The following PRSS23 variants were observed in gnomAD, a reference collection of about 807,000 sequenced individuals.
PRSS23 encodes serine protease 23.
Under a neutral mutation model 34.7 loss-of-function variants are expected in PRSS23, and 25 were observed. That is an observed-to-expected ratio of 0.72 (90% CI 0.53 to 1.01). PRSS23 has a LOEUF of 1.01. Ranked by LOEUF, PRSS23 falls within the 50% of genes least tolerant of loss-of-function variation. PRSS23 has a pLI of 0.00. For missense variants in PRSS23, 445 were observed against 475.6 expected, an observed-to-expected ratio of 0.94 and a Z score of 0.60; for synonymous variants, 176 against 186.6, an observed-to-expected ratio of 0.94 and a Z score of 0.46.
chr11:86,802,017 A>T (rs767225478), intron 1 of PRSS23, among the ~76,000 whole-genome samples: 2 of 152,156 alleles, frequency 1.3e-5, no homozygotes, highest in Non-Finnish European at 2.9e-5. Context: ...GTTAACATGG[A>T]TGCATTTTCT....
intron 2 of PRSS23, among the ~76,000 whole-genome samples, chr11:86,829,718 C>T (rs1156591553): frequency 6.6e-6 from 1 of 152,220 alleles, no homozygotes; most frequent in Non-Finnish European, 1.5e-5. Context: ...ACAGGACCCT[C>T]AGCTGCAGGT....
In PRSS23 at chr11:86,952,408, T is replaced by G. The variant is rs144036448; in HGVS notation, c.*1123T>G. ...TGACTGAAAGACACATGCCGCCGCA[T>G]GGGCCAATGGGGATGTTGATCTTCT... On this transcript the variant is annotated 3_prime_UTR_variant, in exon 3 of 3. Coordinates refer to the PRSS23 transcript ENST00000533902. 2.0e-5 allele frequency: 32 copies of G among 1,614,148 alleles called. No individual in the cohort carries two copies. In the African/African-American group the frequency reaches 3.9e-4, roughly 19 times the overall value.
intron 2 of PRSS23, among the ~76,000 whole-genome samples, chr11:86,868,840 G>A (rs1388713316): frequency 6.6e-6 from 1 of 152,076 alleles, no homozygotes; most frequent in Non-Finnish European, 1.5e-5. Flanking sequence ...GAGACAGTGT[G>A]TCACCCTGTC....
At chr11:86,930,706 T>C (rs2212764) in intron 2 of PRSS23, among the ~76,000 whole-genome samples, 24,080 of 149,754 alleles carry the variant, frequency 0.16, 2,001 homozygotes, top group Middle Eastern at 0.27. Context: ...AGGAGAATGG[T>C]GTGAACCTGG....
chr11:86,833,116 G>C (rs1336405821), intron 2 of PRSS23: 2 of 653,372 alleles, frequency 3.1e-6, no homozygotes, highest in East Asian at 3.1e-5. Flanking sequence ...ACACTCAGGA[G>C]CATGTCTTTC....
At chr11:86,875,230 G>T (rs1055816053) in intron 2 of PRSS23, among the ~76,000 whole-genome samples, 13 of 152,164 alleles carry the variant, frequency 8.5e-5, no homozygotes, top group Non-Finnish European at 2.9e-5. Flanking sequence ...AATTAGCCGG[G>T]TGTGGTGGCG....
intron 1 of PRSS23, among the ~76,000 whole-genome samples, chr11:86,794,503 A>G (rs1416808969): frequency 6.6e-6 from 1 of 152,186 alleles, no homozygotes; most frequent in Admixed American, 6.5e-5. Context: ...TAAAGCTTTT[A>G]CTTGCTGTGC....
At chr11:86,862,598 G>A (rs975229799) in intron 2 of PRSS23, among the ~76,000 whole-genome samples, 3 of 151,774 alleles carry the variant, frequency 2.0e-5, no homozygotes, top group Non-Finnish European at 2.9e-5. Context: ...GTCACAGGGG[G>A]TGTAAACCCT....
At chr11:86,921,990 G>A (rs1949050103) in intron 2 of PRSS23, 1 of 152,138 alleles carries the variant, frequency 6.6e-6, no homozygotes, top group Non-Finnish European at 1.5e-5. Flanking sequence ...TTCAGCTTGA[G>A]GCTTCCAAGG....
chr11:86,865,646 C>A lies in PRSS23; in HGVS notation c.206+42053C>A, dbSNP rs112699945. Among the ~76,000 whole-genome samples, 420 of 152,268 alleles carry A rather than the reference C, an allele frequency of 2.8e-3. 3 individuals carry two copies. The highest frequency in any genetic ancestry group is 7.3e-3 in the African/African-American group (305 of 41,562). ...TTGATCATCAGTTAGCAGGTTTATG[C>A]TCATCCACTTGTTGGCAGTTTCTAC... is the stretch of plus-strand genomic sequence containing the variant. On this transcript the variant is annotated intron_variant, in intron 2 of 2. Coordinates refer to the PRSS23 transcript ENST00000533902.
intron 2 of PRSS23, among the ~76,000 whole-genome samples, chr11:86,917,369 G>T (rs1321409730): frequency 1.3e-5 from 2 of 152,088 alleles, no homozygotes; most frequent in African/African-American, 4.8e-5. Flanking sequence ...TATTTCTGGG[G>T]AAAAAAATTA....
chr11:86,911,011 G>A (rs1442135330), intron 2 of PRSS23: 1 of 151,996 alleles, frequency 6.6e-6, no homozygotes, highest in African/African-American at 2.4e-5. Context: ...ATAATAAGAA[G>A]TAAAAATAAT....
intron 2 of PRSS23, among the ~76,000 whole-genome samples, chr11:86,873,028 T>C (rs1180350860): frequency 6.6e-6 from 1 of 152,102 alleles, no homozygotes; most frequent in Admixed American, 6.5e-5. Flanking sequence ...TCTGAATTTT[T>C]ATGTACAACA....
At chr11:86,844,863 G>A (rs371675763) in intron 2 of PRSS23, among the ~76,000 whole-genome samples, 1 of 152,298 alleles carries the variant, frequency 6.6e-6, no homozygotes, top group Admixed American at 6.5e-5. Flanking sequence ...GCCGAGGCAG[G>A]CAGATCACCT....
intron 2 of PRSS23, among the ~76,000 whole-genome samples, chr11:86,930,914 C>T (rs1214767401): frequency 1.3e-5 from 2 of 151,940 alleles, no homozygotes; most frequent in African/African-American, 2.4e-5. Context: ...CACAGAAAAA[C>T]AGCGGGCAGG....
chr11:86,907,618 C>A (rs1207161150), intron 2 of PRSS23, among the ~76,000 whole-genome samples: 2 of 152,070 alleles, frequency 1.3e-5, no homozygotes, highest in Admixed American at 1.3e-4. Flanking sequence ...CACCACCACG[C>A]CCAGATAATT....
At chr11:86,832,769 G>GAAAC in intron 2 of PRSS23, 1 of 288,982 alleles carries the variant, frequency 3.5e-6, no homozygotes, top group Non-Finnish European at 6.7e-6. Context: ...ACCTGATGAT[G>GAAAC]AAACACTCAG....
At chr11:86,917,912 C>A (rs536388449) in intron 2 of PRSS23, among the ~76,000 whole-genome samples, 3 of 152,134 alleles carry the variant, frequency 2.0e-5, no homozygotes, top group African/African-American at 7.2e-5. Flanking sequence ...AATTCCCTGG[C>A]CACAAAAAAT....
chr11:86,791,388 A>G (rs138954914), intron 1 of PRSS23, among the ~76,000 whole-genome samples: 3 of 152,358 alleles, frequency 2.0e-5, no homozygotes, highest in Admixed American at 2.0e-4. Context: ...AGAAGGAGCC[A>G]GGTGATCCTG....
Sources: allele counts gnomAD v4.1 joint callset (sites outside exome capture counted in the v4.1 genomes callset), GRCh38; gene constraint gnomAD v4.1.1; transcripts MANE v1.5; gene names NCBI Gene and HGNC (gene_info 2026-07-23, HGNC 2026-07-21).